XYLT1: variants seen among roughly 807,000 people sequenced by gnomAD.
The protein encoded by XYLT1 is xylosyltransferase 1.
XYLT1 carries 36 observed loss-of-function variants against 91.3 expected under a neutral mutation model. The ratio of observed to expected loss-of-function variants is 0.39; its 90% CI spans 0.30 to 0.52. The LOEUF (loss-of-function observed/expected upper bound fraction) is 0.52, where lower values mean the gene tolerates loss of function less well. XYLT1 is among the 20% of genes least tolerant of loss of function. XYLT1 has a pLI of 0.68. For synonymous variants in XYLT1, 588 were observed against 532.0 expected (o/e 1.11, Z -1.45); for missense variants, 1,242 against 1,284.5 (o/e 0.97, Z 0.51).
At chr16:17,260,552 C>T (rs951935518) in intron 2 of XYLT1, among the ~76,000 whole-genome samples, 1 of 152,126 alleles carries the variant, frequency 6.6e-6, no homozygotes, top group African/African-American at 2.4e-5. Context: ...TGCCTCTTAC[C>T]AGTTCCCAAG....
intron 2 of XYLT1, among the ~76,000 whole-genome samples, chr16:17,263,659 A>G (rs896766319): frequency 1.5e-4 from 23 of 151,684 alleles, no homozygotes; most frequent in African/African-American, 5.3e-4. Flanking sequence ...GTCATTTTCT[A>G]TAGTGACTGC....
In XYLT1 at chr16:17,235,342, C is replaced by G. The variant is rs7190958; in HGVS notation, c.913+23646G>C. 2.4e-3 allele frequency among the ~76,000 whole-genome samples: 317 copies of G among 133,884 alleles called. 2 individuals carry two copies. Among genetic ancestry groups the G allele is most frequent in the African/African-American group, 8.9e-3 (308 of 34,714 alleles). The allele number at this position is 133,884 out of a possible 152,430, so 87.8% of individuals were successfully genotyped here. A position where few individuals can be genotyped will look rare whatever the true frequency, so the allele number is the denominator to read the frequency against. ...TTTTTTTTTGGAGACCTACTATGTGCTGAATGTGCTGAGCATGGTGCTGGG... is the reference window on the plus strand; with the variant it reads ...TTTTTTTTTGGAGACCTACTATGTGGTGAATGTGCTGAGCATGGTGCTGGG... On this transcript the variant is annotated intron_variant, in intron 3 of 11. Coordinates refer to ENST00000261381, the MANE Select transcript of XYLT1 (RefSeq NM_022166.4).
intron 3 of XYLT1, among the ~76,000 whole-genome samples, chr16:17,220,511 C>T (rs1358382601): frequency 6.6e-6 from 1 of 152,154 alleles, no homozygotes; most frequent in Non-Finnish European, 1.5e-5. Context: ...CCCACTCTGT[C>T]CCCCAGGCTG....
At chr16:17,187,740 G>A (rs1269458514) in intron 5 of XYLT1, among the ~76,000 whole-genome samples, 1 of 151,588 alleles carries the variant, frequency 6.6e-6, no homozygotes, top group Admixed American at 6.6e-5. Context: ...CCGCCTCCCA[G>A]GTTCAAGCAA....
At chr16:17,113,869 G>T (rs1966847071) in intron 11 of XYLT1, among the ~76,000 whole-genome samples, 1 of 152,258 alleles carries the variant, frequency 6.6e-6, no homozygotes, top group South Asian at 2.1e-4. Context: ...TCACAGGAAG[G>T]TGAGGAAGAA....
At position 17,263,286 on chromosome 16, in the gene XYLT1, C is replaced by G. The variant is rs1308237251; in HGVS notation, c.403-3788G>C. Among the ~76,000 whole-genome samples, 5 of 152,110 alleles carry G rather than the reference C, an allele frequency of 3.3e-5. No homozygotes were observed. The East Asian group carries it at 7.7e-4, about 23-fold the overall frequency. On this transcript the variant is annotated intron_variant, in intron 2 of 11. Coordinates refer to ENST00000261381, the MANE Select transcript of XYLT1 (RefSeq NM_022166.4). The stretch of plus-strand genomic sequence containing the variant: ...ACTGCGATCATCTCCCTCCACCCCC[C>G]ACGGCCAATGAAGCTAATCTGACAA...
intron 1 of XYLT1, among the ~76,000 whole-genome samples, chr16:17,379,761 T>TTTCACACACACACA (rs1555501200): frequency 8.5e-6 from 1 of 117,680 alleles, no homozygotes; most frequent in African/African-American, 3.8e-5. Context: ...TCTCTCTCTC[T>TTTCACACACACACA]CTCACACACA....
At chr16:17,346,454 G>A (rs2035145280) in intron 2 of XYLT1, among the ~76,000 whole-genome samples, 1 of 152,212 alleles carries the variant, frequency 6.6e-6, no homozygotes, top group Non-Finnish European at 1.5e-5. Context: ...CAAAGGGGCA[G>A]CTGGTGGTCA....
chr16:17,301,282 C>T (rs933144086), intron 2 of XYLT1, among the ~76,000 whole-genome samples: 7 of 151,900 alleles, frequency 4.6e-5, no homozygotes, highest in South Asian at 2.1e-4. Context: ...TGGTGGCGGG[C>T]GCCTATAATC....
intron 2 of XYLT1, among the ~76,000 whole-genome samples, chr16:17,274,403 T>A (rs1567352039): frequency 6.6e-6 from 1 of 152,138 alleles, no homozygotes; most frequent in Non-Finnish European, 1.5e-5. Context: ...GGGGTTAAAA[T>A]CACAGGTTTA....
intron 1 of XYLT1, among the ~76,000 whole-genome samples, chr16:17,433,446 G>A (rs916672045): frequency 6.6e-6 from 1 of 152,228 alleles, no homozygotes; most frequent in Non-Finnish European, 1.5e-5. Context: ...AAGTAAGGAA[G>A]CACGGTCGGG....
chr16:17,244,494 AG>A, intron 3 of XYLT1, among the ~76,000 whole-genome samples: 1 of 152,306 alleles, frequency 6.6e-6, no homozygotes, highest in Non-Finnish European at 1.5e-5. Context: ...TAACCAATAC[AG>A]GCTTTTCACA....
chr16:17,388,019 GC>G (rs1241545291), intron 1 of XYLT1, among the ~76,000 whole-genome samples: 1 of 152,158 alleles, frequency 6.6e-6, no homozygotes, highest in Non-Finnish European at 1.5e-5. Flanking sequence ...CCCACCGTAA[GC>G]TGAAAATAGC....
intron 5 of XYLT1, among the ~76,000 whole-genome samples, chr16:17,167,391 G>C (rs1455515431): frequency 6.6e-6 from 1 of 152,186 alleles, no homozygotes; most frequent in Non-Finnish European, 1.5e-5. Flanking sequence ...AGTCCAGTAA[G>C]TTTCCTCCTC....
chr16:17,259,574 G>C (rs2033691661), intron 2 of XYLT1, 76 bp from the exon 3 acceptor site: 1 of 1,520,068 alleles, frequency 6.6e-7, no homozygotes, highest in African/African-American at 1.4e-5. Context: ...TTTGAAGAGT[G>C]AGTCATACGG....
At chr16:17,323,220 G>C (rs1275171420) in intron 2 of XYLT1, among the ~76,000 whole-genome samples, 3 of 152,232 alleles carry the variant, frequency 2.0e-5, no homozygotes, top group African/African-American at 7.2e-5. Flanking sequence ...CTCCAGAAGG[G>C]AGAAAGGCTC....
chr16:17,419,509 G>A (rs2036223028), intron 1 of XYLT1, among the ~76,000 whole-genome samples: 2 of 152,154 alleles, frequency 1.3e-5, no homozygotes, highest in African/African-American at 2.4e-5. Flanking sequence ...AACAGGCAGT[G>A]GGCCAGATTC....
chr16:17,422,814 C>T (rs1320589987), intron 1 of XYLT1, among the ~76,000 whole-genome samples: 1 of 152,196 alleles, frequency 6.6e-6, no homozygotes, highest in Non-Finnish European at 1.5e-5. Context: ...CCATGCCTGG[C>T]CTCACAGATA....
chr16:17,138,977 G>A (rs2030876021), intron 7 of XYLT1, among the ~76,000 whole-genome samples: 1 of 152,186 alleles, frequency 6.6e-6, no homozygotes, highest in Admixed American at 6.5e-5. Flanking sequence ...TTAGACCCAG[G>A]GCTTCCTGCA....
Sources: allele counts gnomAD v4.1 joint callset (sites outside exome capture counted in the v4.1 genomes callset), GRCh38; gene constraint gnomAD v4.1.1; transcripts MANE v1.5; gene names NCBI Gene and HGNC (gene_info 2026-07-23, HGNC 2026-07-21).